GABRA2: variants seen among roughly 807,000 people sequenced by gnomAD.
GABRA2 encodes gamma-aminobutyric acid type A receptor subunit alpha2.
Under a neutral mutation model 48.7 loss-of-function variants are expected in GABRA2, and 16 were observed. That is an observed-to-expected ratio of 0.33 (90% CI 0.22 to 0.50). The LOEUF is 0.50. Among genes scored for constraint, GABRA2 ranks in the 20% least tolerant of loss-of-function variants. The pLI, the probability that GABRA2 is intolerant of heterozygous loss-of-function variation, is 0.98. For synonymous variants in GABRA2, 185 were observed against 184.5 expected (o/e 1.00, Z -0.02); for missense variants, 275 against 535.6 (o/e 0.51, Z 4.80).
At chr4:46,301,728 G>A (rs1476058993) in intron 8 of GABRA2, among the ~76,000 whole-genome samples, 4 of 152,066 alleles carry the variant, frequency 2.6e-5, no homozygotes, top group Non-Finnish European at 4.4e-5. Context: ...ACTTGTCTAC[G>A]CCTCTTTTAC....
chr4:46,273,760 T>C (rs1465571731), intron 8 of GABRA2, among the ~76,000 whole-genome samples: 1 of 151,956 alleles, frequency 6.6e-6, no homozygotes. Flanking sequence ...CTGTTTCTTG[T>C]ATCTCTGCCA....
chr4:46,375,944 A>G (rs1293218097), intron 3 of GABRA2, among the ~76,000 whole-genome samples: 4 of 152,242 alleles, frequency 2.6e-5, no homozygotes, highest in Non-Finnish European at 1.5e-5. Context: ...GTTAAATGGT[A>G]CAAGTAAAAA....
At chr4:46,368,725 C>T (rs1714435010) in intron 3 of GABRA2, 2 of 401,992 alleles carry the variant, frequency 5.0e-6, no homozygotes, top group Non-Finnish European at 8.9e-6. Context: ...AATTGGTTGA[C>T]CTTTAAGACT....
intron 5 of GABRA2, among the ~76,000 whole-genome samples, chr4:46,310,884 G>T (rs1251156567): frequency 1.3e-5 from 2 of 152,048 alleles, no homozygotes; most frequent in Non-Finnish European, 2.9e-5. Context: ...TTACAACAAA[G>T]AGTAGTCATA....
At chr4:46,353,984 C>G (rs969081931) in intron 3 of GABRA2, among the ~76,000 whole-genome samples, 9 of 152,104 alleles carry the variant, frequency 5.9e-5, no homozygotes, top group African/African-American at 1.9e-4. Context: ...CAATTGCTGG[C>G]ACATACTTAA....
chr4:46,252,924 T>A (rs1715075315), intron 9 of GABRA2, among the ~76,000 whole-genome samples: 1 of 151,448 alleles, frequency 6.6e-6, no homozygotes, highest in Admixed American at 6.6e-5. Context: ...ACGAATATCT[T>A]ATTCTAACCA....
chr4:46,257,448 T>C (rs948647097), intron 9 of GABRA2, among the ~76,000 whole-genome samples: 3 of 151,592 alleles, frequency 2.0e-5, no homozygotes, highest in African/African-American at 4.8e-5. Flanking sequence ...AGATCTATCC[T>C]CAATCCTGGA....
chr4:46,328,742 T>G (rs1446562408), intron 4 of GABRA2, among the ~76,000 whole-genome samples: 1 of 152,136 alleles, frequency 6.6e-6, no homozygotes, highest in South Asian at 2.1e-4. Flanking sequence ...ACTCGTCATC[T>G]AGCATTAGGT....
chr4:46,332,547 A>G (rs1452828604), intron 4 of GABRA2, 68 bp downstream of exon 4: 2 of 866,036 alleles, frequency 2.3e-6, no homozygotes, highest in East Asian at 4.9e-5. Context: ...TAAAAATGCT[A>G]GTTTATTTGA....
intron 9 of GABRA2, among the ~76,000 whole-genome samples, chr4:46,257,542 A>T (rs1410170815): frequency 6.6e-6 from 1 of 151,748 alleles, no homozygotes; most frequent in Non-Finnish European, 1.5e-5. Context: ...ACTCCCAGTC[A>T]CATGGAAGCA....
chr4:46,307,014 A>G (rs1414147985), intron 6 of GABRA2, among the ~76,000 whole-genome samples: 1 of 152,166 alleles, frequency 6.6e-6, no homozygotes. Context: ...TTATCACTAC[A>G]TATATAGTCA....
chr4:46,385,515 C>T (rs905863555), intron 3 of GABRA2, among the ~76,000 whole-genome samples: 2 of 151,824 alleles, frequency 1.3e-5, no homozygotes, highest in African/African-American at 2.4e-5. Context: ...AAACTTTAGA[C>T]CTATGTCTAA....
intron 8 of GABRA2, among the ~76,000 whole-genome samples, chr4:46,290,677 T>C (rs1468629675): frequency 6.6e-6 from 1 of 152,146 alleles, no homozygotes; most frequent in Non-Finnish European, 1.5e-5. Flanking sequence ...TTGGTTTATT[T>C]TGGCATATAT....
At chr4:46,253,281 A>T (rs528823167) in intron 9 of GABRA2, among the ~76,000 whole-genome samples, 1 of 151,546 alleles carries the variant, frequency 6.6e-6, no homozygotes, top group Admixed American at 6.6e-5. Context: ...ATGCTCAGGA[A>T]ATACAGGTAC....
intron 8 of GABRA2, among the ~76,000 whole-genome samples, chr4:46,299,753 C>G (rs1725411298): frequency 6.7e-6 from 1 of 150,130 alleles, no homozygotes; most frequent in Non-Finnish European, 1.5e-5. Context: ...ATTCTTCCCT[C>G]TTCTATAGAT....
chr4:46,351,462 C>T lies in GABRA2; in HGVS notation c.188-18780G>A, dbSNP rs564237797. ...AAGTTCTTAAACTCAGCATTCTTTG[C>T]AATTTACAACACTTTTACTTTATTC... On this transcript the variant is annotated intron_variant, in intron 3 of 9. Transcript: ENST00000381620. Among the ~76,000 whole-genome samples, 339 of 152,062 alleles carry T rather than the reference C, an allele frequency of 2.2e-3. 3 individuals are homozygous for T. The highest frequency in any genetic ancestry group is 8.0e-3 in the African/African-American group (332 of 41,524).
intron 8 of GABRA2, among the ~76,000 whole-genome samples, chr4:46,301,349 C>A (rs1285008030): frequency 2.6e-5 from 4 of 152,126 alleles, no homozygotes; most frequent in African/African-American, 9.7e-5. Context: ...CAATTATATA[C>A]CATGTATTAA....
intron 8 of GABRA2, among the ~76,000 whole-genome samples, chr4:46,265,468 T>C (rs868820288): frequency 0.011 from 1,234 of 108,866 alleles, 41 homozygotes; most frequent in African/African-American, 0.061. Context: ...AATATATATA[T>C]AATATATTGT....
chr4:46,306,127 G>A (rs560571806), intron 6 of GABRA2, among the ~76,000 whole-genome samples: 67 of 152,042 alleles, frequency 4.4e-4, no homozygotes, highest in Non-Finnish European at 8.2e-4. Flanking sequence ...ATTAATTTTT[G>A]GACATAAATG....
Sources: gnomAD v4.1 joint callset for allele counts (sites outside exome capture counted in the v4.1 genomes callset) on GRCh38, gnomAD v4.1.1 for gene constraint, MANE v1.5 for transcripts, NCBI Gene and HGNC (gene_info 2026-07-23, HGNC 2026-07-21) for gene names.